Variants in CTNNBL1 observed in about 807,000 individuals in gnomAD.
CTNNBL1 encodes the protein beta-catenin-like protein 1.
CTNNBL1 carries 31 observed loss-of-function variants against 72.7 expected under a neutral mutation model. The observed-to-expected ratio is 0.43, with a 90% CI of 0.32 to 0.58. The LOEUF (loss-of-function observed/expected upper bound fraction) is 0.58, where lower values mean the gene tolerates loss of function less well. Ranked by LOEUF, CTNNBL1 falls within the 20% of genes least tolerant of loss-of-function variation. The probability of loss-of-function intolerance (pLI) is 0.08; values close to 1 mark genes in which losing one functional copy is unlikely to be tolerated. For missense variants in CTNNBL1, 534 were observed against 725.1 expected, an observed-to-expected ratio of 0.74 and a Z score of 3.03; for synonymous variants, 240 against 267.3, an observed-to-expected ratio of 0.90 and a Z score of 1.00.
intron 1 of CTNNBL1, among the ~76,000 whole-genome samples, chr20:37,712,480 G>A (rs1177500849): frequency 6.6e-6 from 1 of 152,204 alleles, no homozygotes; most frequent in Non-Finnish European, 1.5e-5. Context: ...ATTACAGTGG[G>A]TAATTAAGGG....
chr20:37,774,063 C>T (rs955137726), intron 7 of CTNNBL1, among the ~76,000 whole-genome samples: 4 of 151,866 alleles, frequency 2.6e-5, no homozygotes, highest in Non-Finnish European at 5.9e-5. Flanking sequence ...CAGGTGCACA[C>T]CACCACACCC....
chr20:37,817,038 T>C (rs2072066296), intron 11 of CTNNBL1, among the ~76,000 whole-genome samples: 1 of 152,230 alleles, frequency 6.6e-6, no homozygotes, highest in South Asian at 2.1e-4. Context: ...GATGTCATTA[T>C]CCCTAACATC....
At chr20:37,767,904 A>T (rs2073484739) in intron 6 of CTNNBL1, 49 bp from the exon 7 acceptor site, 1 of 1,494,084 alleles carries the variant, frequency 6.7e-7, no homozygotes, top group Non-Finnish European at 9.3e-7. Flanking sequence ...CTTGTTGCAG[A>T]TGGAAACAAA....
intron 11 of CTNNBL1, among the ~76,000 whole-genome samples, chr20:37,809,181 G>T (rs1309401856): frequency 1.3e-5 from 2 of 151,984 alleles, no homozygotes; most frequent in African/African-American, 2.4e-5. Flanking sequence ...AGACATGGGG[G>T]AAAAAGCAAT....
At chr20:37,807,286 A>G in intron 11 of CTNNBL1, among the ~76,000 whole-genome samples, 1 of 152,184 alleles carries the variant, frequency 6.6e-6, no homozygotes, top group East Asian at 1.9e-4. Context: ...ACCCCAGAAT[A>G]AAGCAGGCAC....
At chr20:37,727,738 TAAGACAC>T (rs1232526064) in intron 1 of CTNNBL1, among the ~76,000 whole-genome samples, 1 of 152,216 alleles carries the variant, frequency 6.6e-6, no homozygotes, top group Admixed American at 6.5e-5. Flanking sequence ...ATTGGTTGTG[TAAGACAC>T]AGGGAGAGCT....
chr20:37,865,541 G>T (rs4811243), intron 15 of CTNNBL1, among the ~76,000 whole-genome samples: 47,918 of 152,036 alleles, frequency 0.32, 8,416 homozygotes, highest in South Asian at 0.43. Flanking sequence ...CCACTATTCT[G>T]CATTCTGTCT....
chr20:37,865,439 A>G (rs1287661059), intron 15 of CTNNBL1, among the ~76,000 whole-genome samples: 2 of 152,136 alleles, frequency 1.3e-5, no homozygotes, highest in African/African-American at 2.4e-5. Flanking sequence ...CGTTTTGACT[A>G]TTACTACCAT....
At chr20:37,777,857 G>T in intron 9 of CTNNBL1, 145 bp downstream of exon 9, 2 of 769,160 alleles carry the variant, frequency 2.6e-6, no homozygotes, top group Non-Finnish European at 4.5e-6. Context: ...TATACGGAGG[G>T]ACATGGTTTG....
chr20:37,707,801 T>C (rs1381928218), intron 1 of CTNNBL1, among the ~76,000 whole-genome samples: 1 of 152,238 alleles, frequency 6.6e-6, no homozygotes, highest in African/African-American at 2.4e-5. Flanking sequence ...AGCTTAATCA[T>C]GTATAGCTTT....
intron 1 of CTNNBL1, among the ~76,000 whole-genome samples, chr20:37,715,213 C>T (rs752086639): frequency 6.6e-6 from 1 of 152,098 alleles, no homozygotes; most frequent in Non-Finnish European, 1.5e-5. Flanking sequence ...ATAGAAAGAG[C>T]CTTAGGCATA....
chr20:37,870,516 C>G (rs565003196), intron 15 of CTNNBL1, among the ~76,000 whole-genome samples: 5 of 152,268 alleles, frequency 3.3e-5, no homozygotes, highest in Admixed American at 3.3e-4. Flanking sequence ...TTTCTCACAC[C>G]CCATTTCCGG....
At chr20:37,790,089 C>A (rs1187690176) in intron 10 of CTNNBL1, among the ~76,000 whole-genome samples, 1 of 152,120 alleles carries the variant, frequency 6.6e-6, no homozygotes, top group African/African-American at 2.4e-5. Flanking sequence ...ATTTTCCTTA[C>A]CCTAAAGAAA....
chr20:37,848,454 C>T (rs1042032764), intron 13 of CTNNBL1, among the ~76,000 whole-genome samples: 5 of 152,142 alleles, frequency 3.3e-5, no homozygotes, highest in African/African-American at 1.2e-4. Context: ...CTGCGCCTAG[C>T]CTAGGCTCTT....
chr20:37,868,487 TG>T, intron 15 of CTNNBL1, among the ~76,000 whole-genome samples: 1 of 152,296 alleles, frequency 6.6e-6, no homozygotes, highest in Middle Eastern at 3.4e-3. Context: ...CACATAGCAG[TG>T]CACAGCACAT....
At chr20:37,823,676 G>A (rs2072131337) in intron 11 of CTNNBL1, among the ~76,000 whole-genome samples, 1 of 152,224 alleles carries the variant, frequency 6.6e-6, no homozygotes, top group Non-Finnish European at 1.5e-5. Flanking sequence ...TCTGTCTAAA[G>A]CAGGCATCCA....
At chr20:37,846,854 A>G (rs917449158) in intron 13 of CTNNBL1, among the ~76,000 whole-genome samples, 5 of 152,088 alleles carry the variant, frequency 3.3e-5, no homozygotes, top group African/African-American at 7.3e-5. Flanking sequence ...GCTTTCAGTG[A>G]TTACCATTTG....
At chr20:37,744,270 A>G (rs1310037795) in intron 3 of CTNNBL1, among the ~76,000 whole-genome samples, 3 of 152,234 alleles carry the variant, frequency 2.0e-5, no homozygotes. Context: ...GTAAGGGGAA[A>G]TAGGCACTTC....
chr20:37,815,097 G>GTGTGTA (rs1555830921), intron 11 of CTNNBL1, among the ~76,000 whole-genome samples: 5 of 151,912 alleles, frequency 3.3e-5, no homozygotes, highest in African/African-American at 1.2e-4. Flanking sequence ...GTGTGTGTGT[G>GTGTGTA]TGTGTGTGTA....
Sources: gnomAD v4.1 joint callset for allele counts (sites outside exome capture counted in the v4.1 genomes callset) on GRCh38, gnomAD v4.1.1 for gene constraint, MANE v1.5 for transcripts, NCBI Gene and HGNC (gene_info 2026-07-23, HGNC 2026-07-21) for gene names.